Variants in HLA-DPA1 observed in about 807,000 individuals in gnomAD.
The protein encoded by HLA-DPA1 is HLA class II histocompatibility antigen, DP alpha 1 chain.
Under a neutral mutation model 21.5 loss-of-function variants are expected in HLA-DPA1, and 20 were observed. The ratio of observed to expected loss-of-function variants is 0.93; its 90% CI spans 0.66 to 1.35. HLA-DPA1 has a LOEUF of 1.35. Ranked by LOEUF, HLA-DPA1 falls within the 40% of genes most tolerant of loss-of-function variation. The probability of loss-of-function intolerance (pLI) is 0.00; values close to 1 mark genes in which losing one functional copy is unlikely to be tolerated. For synonymous variants in HLA-DPA1, 123 were observed against 129.6 expected (o/e 0.95, Z 0.35); for missense variants, 279 against 323.0 (o/e 0.86, Z 1.05).
At chr6:33,072,967 G>C (rs6914995) in intron 2 of HLA-DPA1, among the ~76,000 whole-genome samples, 43,823 of 151,872 alleles carry the variant, frequency 0.29, 8,344 homozygotes, top group East Asian at 0.69. Flanking sequence ...TTTGCACTTC[G>C]TCTCCTAATG....
chr6:33,074,287 G>A (rs1450269790), intron 1 of HLA-DPA1, among the ~76,000 whole-genome samples: 1 of 152,004 alleles, frequency 6.6e-6, no homozygotes, highest in Non-Finnish European at 1.5e-5. Flanking sequence ...TATTTAAACA[G>A]TGTAATAACA....
Position 33,080,639 on chromosome 6 carries a change from G to A in HLA-DPA1, c.-100+41C>T. ...GGAGAAAGAGGATTAGATGAGAGTG[G>A]CGCCTCCGCTCATGTCCGCCCCCTC... On this transcript the variant is annotated intron_variant, in intron 1 of 5. Coordinates refer to ENST00000419277, the Ensembl canonical transcript of HLA-DPA1. The surrounding 1 kb of genome is among the most constrained non-coding windows in gnomAD (Gnocchi z 4.3). 6.2e-7 allele frequency: 1 copy of A among 1,611,634 alleles called. No homozygotes were observed. Among genetic ancestry groups the A allele is most frequent in the Non-Finnish European group, 8.5e-7 (1 of 1,178,826 alleles).
exon 6 of HLA-DPA1, chr6:33,064,688 G>A (rs1761869706): frequency 6.6e-6 from 1 of 152,182 alleles, no homozygotes; most frequent in Admixed American, 6.5e-5. Flanking sequence ...GCTGTGAATG[G>A]AATCCTAATC....
chr6:33,079,954 C>T (rs1308574481), intron 1 of HLA-DPA1: 1 of 228,158 alleles, frequency 4.4e-6, no homozygotes, highest in African/African-American at 2.3e-5. Flanking sequence ...ACTCTACCCC[C>T]ACAGGTCCCT....
At chr6:33,066,769 G>A (rs1421979251) in intron 5 of HLA-DPA1, 2 of 152,162 alleles carry the variant, frequency 1.3e-5, no homozygotes, top group Non-Finnish European at 2.9e-5. Flanking sequence ...AATGTGAACA[G>A]GCAATTTATA....
At chr6:33,069,381 C>G (rs1583090513) in intron 3 of HLA-DPA1, 81 bp from the exon 3 acceptor site, 1 of 1,372,580 alleles carries the variant, frequency 7.3e-7, no homozygotes, top group Non-Finnish European at 1.0e-6. Flanking sequence ...GGGTGGTCCT[C>G]TACCTCAGCC....
chr6:33,068,844 G>C, intron 4 of HLA-DPA1, 40 bp from the exon 4 acceptor site: 3 of 1,602,930 alleles, frequency 1.9e-6, no homozygotes, highest in Non-Finnish European at 2.6e-6. Flanking sequence ...GAGGTGCAGT[G>C]AGGGTGGTGA....
chr6:33,069,860 A>ACGCGGCATAAGTTGACACATGGTC, exon 3 of HLA-DPA1: 1 of 1,610,400 alleles, frequency 6.2e-7, no homozygotes, highest in Non-Finnish European at 8.5e-7. Context: ...GTCTGTACAA[A>ACGCGGCATAAGTTGACACATGGTC]CGCGGCATAA....
chr6:33,072,072 T>C (rs2150362277), intron 2 of HLA-DPA1, among the ~76,000 whole-genome samples: 1 of 152,138 alleles, frequency 6.6e-6, no homozygotes, highest in Non-Finnish European at 1.5e-5. Context: ...TAAGAGGTGG[T>C]TTAAAAGATG....
intron 5 of HLA-DPA1, 164 bp downstream of exon 4, chr6:33,068,474 T>C: frequency 7.0e-6 from 4 of 570,268 alleles, no homozygotes; most frequent in South Asian, 5.7e-5. Flanking sequence ...ATCCTCAGAA[T>C]AGCGCCTGAC....
intron 2 of HLA-DPA1, among the ~76,000 whole-genome samples, chr6:33,072,766 C>T (rs1762340535): frequency 6.6e-6 from 1 of 152,212 alleles, no homozygotes; most frequent in African/African-American, 2.4e-5. Flanking sequence ...TACGGTCCAT[C>T]TCTGGCTGAG....
chr6:33,069,254 G>A, exon 4 of HLA-DPA1: 1 of 1,612,990 alleles, frequency 6.2e-7, no homozygotes, highest in Non-Finnish European at 8.5e-7. Flanking sequence ...TGTTGGGCTG[G>A]CCCAGCTCCA....
intron 2 of HLA-DPA1, among the ~76,000 whole-genome samples, chr6:33,072,028 G>A (rs773957018): frequency 2.6e-5 from 4 of 152,272 alleles, no homozygotes; most frequent in Middle Eastern, 3.4e-3. Context: ...CAGAATTGCC[G>A]AGATCTCAGG....
chr6:33,074,670 A>G (rs140963166), intron 1 of HLA-DPA1, among the ~76,000 whole-genome samples: 214 of 152,292 alleles, frequency 1.4e-3, no homozygotes, highest in South Asian at 4.1e-3. Flanking sequence ...GACATGAGAG[A>G]TTCTGTTATT....
chr6:33,064,851 A>G (rs1312894630), exon 6 of HLA-DPA1: 1 of 152,178 alleles, frequency 6.6e-6, no homozygotes, highest in Non-Finnish European at 1.5e-5. Context: ...GTTAGGGAAA[A>G]ACCCAGGACT....
chr6:33,069,047 G>A (rs571128277), exon 4 of HLA-DPA1: 4 of 1,613,044 alleles, frequency 2.5e-6, no homozygotes, highest in South Asian at 1.1e-5. Context: ...GCTGGTCCAA[G>A]CCCCAGTGCT....
chr6:33,077,956 G>A (rs1308571830), intron 1 of HLA-DPA1, among the ~76,000 whole-genome samples: 1 of 152,170 alleles, frequency 6.6e-6, no homozygotes, highest in Admixed American at 6.5e-5. Context: ...TAACCAGCAG[G>A]ACGGCTCAGC....
exon 6 of HLA-DPA1, chr6:33,064,934 G>A (rs1460683801): frequency 6.6e-6 from 1 of 152,198 alleles, no homozygotes; most frequent in African/African-American, 2.4e-5. Flanking sequence ...AACAGAGGTT[G>A]AAACCACACC....
rs199854107 is a variant in HLA-DPA1 at position 33,069,299 on chromosome 6, A to C, written c.348T>G (p.Asp116Glu). 1.9e-6 allele frequency: 3 copies of C among 1,611,284 alleles called. No homozygotes were observed. In the East Asian group the frequency reaches 6.7e-5, roughly 36 times the overall value. The change falls in exon 4 of 6, where the codon GAT becomes GAG. Residue 116 changes from aspartate to glutamate, a missense_variant and splice_region_variant. Physicochemically the swap from Asp to Glu is conservative, Grantham distance 45. Transcript: ENST00000419277. Reference sequence around the variant, plus strand: ...TGGGAAACACGGTCACCTCAGGGGGATCTGGAAGGAGACAGCACCAGGTTA... The same window carrying C: ...TGGGAAACACGGTCACCTCAGGGGGCTCTGGAAGGAGACAGCACCAGGTTA...
Sources: gnomAD v4.1 joint callset for allele counts (sites outside exome capture counted in the v4.1 genomes callset) on GRCh38, gnomAD v4.1.1 for gene constraint, Gnocchi (gnomAD v3.1) non-coding constraint, MANE v1.5 for transcripts, NCBI Gene and HGNC (gene_info 2026-07-23, HGNC 2026-07-21) for gene names.